Variants in NCS1 observed in about 807,000 individuals in gnomAD.
NCS1 encodes neuronal calcium sensor 1, also known as frequenin homolog.
NCS1 carries 6 observed loss-of-function variants against 28.4 expected under a neutral mutation model. The observed-to-expected ratio is 0.21, with a 90% confidence interval of 0.12 to 0.42. The LOEUF (loss-of-function observed/expected upper bound fraction) is 0.42, where lower values mean the gene tolerates loss of function less well. Among genes scored for constraint, NCS1 ranks in the 10% least tolerant of loss-of-function variants. The probability of loss-of-function intolerance (pLI) is 1.00; values close to 1 mark genes in which losing one functional copy is unlikely to be tolerated. For missense variants in NCS1, 131 were observed against 241.4 expected (o/e 0.54, Z 3.03); for synonymous variants, 86 against 99.3 (o/e 0.87, Z 0.79).
chr9:130,214,245 G>A (rs956114867), intron 2 of NCS1, among the ~76,000 whole-genome samples: 6 of 152,190 alleles, frequency 3.9e-5, no homozygotes, highest in Non-Finnish European at 7.3e-5. Context: ...GGGCTGGGCC[G>A]ACTTCCTGAA....
At chr9:130,220,199 C>G (rs545804904) in intron 4 of NCS1, among the ~76,000 whole-genome samples, 16 of 152,166 alleles carry the variant, frequency 1.1e-4, no homozygotes, top group Non-Finnish European at 2.2e-4. Context: ...ACCCAAGACC[C>G]AGGTTCAGTG....
intron 6 of NCS1, among the ~76,000 whole-genome samples, chr9:130,224,545 T>C (rs1833385616): frequency 7.0e-6 from 1 of 143,422 alleles, no homozygotes; most frequent in Non-Finnish European, 1.5e-5. Context: ...GCAATAAGAG[T>C]GAGACTGTCT....
At chr9:130,200,441 G>A in intron 1 of NCS1, 1 of 791,694 alleles carries the variant, frequency 1.3e-6, no homozygotes, top group Non-Finnish European at 2.1e-6. Flanking sequence ...TGACCACAGA[G>A]AGGGGCTGCA....
chr9:130,228,077 G>T (rs1285777428), intron 7 of NCS1, among the ~76,000 whole-genome samples: 3 of 152,214 alleles, frequency 2.0e-5, no homozygotes, highest in Non-Finnish European at 4.4e-5. Context: ...ATGGCTGCCG[G>T]CTTCCCTCAG....
chr9:130,183,910 C>T (rs1335064677), intron 1 of NCS1, among the ~76,000 whole-genome samples: 1 of 151,482 alleles, frequency 6.6e-6, no homozygotes, highest in South Asian at 2.1e-4. Flanking sequence ...CCCGGGTTCA[C>T]GCCATTCTCT....
At position 130,180,041 on chromosome 9, in the gene NCS1, ATCTATCTATCG is replaced by A. The variant is rs1832632803; in HGVS notation, c.64+7315_64+7325del. On this transcript the variant is annotated intron_variant, in intron 1 of 7. Coordinates refer to ENST00000372398, the MANE Select transcript of NCS1 (RefSeq NM_014286.4). The surrounding 1 kb of genome is among the most constrained non-coding windows in gnomAD (Gnocchi z 4.5). ...TATCTATCTATCTATCTATCTATCT[ATCTATCTATCG>A]AGATGGAATCTCACTTCCGTCACCC... Among the ~76,000 whole-genome samples the A allele has an allele frequency of 6.9e-6, 1 of 145,612 alleles. No homozygotes were observed. The highest frequency in any genetic ancestry group is 2.6e-5 in the African/African-American group (1 of 37,948).
intron 6 of NCS1, among the ~76,000 whole-genome samples, chr9:130,224,874 C>T (rs535928281): frequency 1.4e-3 from 220 of 152,146 alleles, no homozygotes; most frequent in African/African-American, 5.0e-3. Flanking sequence ...TAGGGAAATC[C>T]AGGTGTTACG....
At chr9:130,188,865 T>C (rs777874010) in intron 1 of NCS1, among the ~76,000 whole-genome samples, 2 of 152,128 alleles carry the variant, frequency 1.3e-5, no homozygotes, top group East Asian at 1.9e-4. Context: ...TACAGGTGCC[T>C]GCCACCATGC....
chr9:130,182,625 A>G (rs1372541208), intron 1 of NCS1, among the ~76,000 whole-genome samples: 2 of 152,146 alleles, frequency 1.3e-5, no homozygotes, highest in Non-Finnish European at 2.9e-5. Flanking sequence ...CCTGGCCTCA[A>G]CGGCTTCCTC....
intron 2 of NCS1, among the ~76,000 whole-genome samples, chr9:130,214,543 C>T (rs1438158048): frequency 6.6e-6 from 1 of 152,012 alleles, no homozygotes; most frequent in Admixed American, 6.6e-5. Flanking sequence ...ATGCTGGAGG[C>T]GGGACGAGGA....
intron 6 of NCS1, among the ~76,000 whole-genome samples, chr9:130,223,364 A>G (rs1257559898): frequency 6.6e-6 from 1 of 151,588 alleles, no homozygotes; most frequent in African/African-American, 2.4e-5. Context: ...TGTTTTCTTT[A>G]ATCAACCAGA....
intron 2 of NCS1, among the ~76,000 whole-genome samples, chr9:130,213,777 C>T (rs1466428971): frequency 3.9e-5 from 6 of 152,096 alleles, no homozygotes; most frequent in Non-Finnish European, 8.8e-5. Context: ...CAGGGTTTCA[C>T]CATGTTGGCC....
At chr9:130,200,527 C>T (rs1280037095) in intron 1 of NCS1, 13 of 1,546,986 alleles carry the variant, frequency 8.4e-6, no homozygotes, top group African/African-American at 2.7e-5. Flanking sequence ...CCCCCACCCC[C>T]CCACATAGGT....
intron 7 of NCS1, among the ~76,000 whole-genome samples, chr9:130,230,736 T>C (rs1389785701): frequency 1.3e-5 from 2 of 151,956 alleles, no homozygotes; most frequent in Non-Finnish European, 2.9e-5. Context: ...GTGTAATGTT[T>C]TGTACTCATC....
rs189124333 is a variant in NCS1, at chr9:130,221,521, G to A, written c.308-1129G>A. Among the ~76,000 whole-genome samples, 361 of 142,750 alleles carry A rather than the reference G, an allele frequency of 2.5e-3. 1 individual carries two copies. Among genetic ancestry groups the A allele is most frequent in the African/African-American group, 8.8e-3 (341 of 38,954 alleles). 93.6% of individuals were successfully genotyped at this position (142,750 alleles called of 152,430 possible). A position where few individuals can be genotyped will look rare whatever the true frequency, so the allele number is the denominator to read the frequency against. ...TCGATCTCGGCTTATTGCAACCTTC[G>A]CCTCCTGGGCTCAAGCCATCCTCTC... On this transcript the variant is annotated intron_variant, in intron 4 of 7. Transcript: ENST00000372398.
At chr9:130,196,031 T>C (rs1554906791) in intron 1 of NCS1, among the ~76,000 whole-genome samples, 5 of 151,956 alleles carry the variant, frequency 3.3e-5, no homozygotes. Flanking sequence ...TGGGCCGGGC[T>C]GGGAACCAGA....
At chr9:130,216,198 G>A (rs4240447) in intron 2 of NCS1, among the ~76,000 whole-genome samples, 45,215 of 152,012 alleles carry the variant, frequency 0.3, 6,993 homozygotes, top group Admixed American at 0.35. Flanking sequence ...CGCACCATGC[G>A]CGGTACTCCC....
rs1314283079 is a variant in NCS1 at position 130,175,845 on chromosome 9, A to G, written c.64+3118A>G. 6.6e-6 allele frequency among the ~76,000 whole-genome samples: 1 copy of G among 152,224 alleles called. No homozygotes were observed. The highest frequency in any genetic ancestry group is 2.4e-5 in the African/African-American group (1 of 41,450). On this transcript the variant is annotated intron_variant, in intron 1 of 7. Transcript: ENST00000372398. The surrounding 1 kb of genome is among the most constrained non-coding windows in gnomAD (Gnocchi z 4.9). ...GTCACTCTGCAGCCAAGACTTAGAC[A>G]GTGGCAGTCAGCATTGCGGGCGGCC...
chr9:130,200,221 G>A (rs3780715), intron 1 of NCS1, among the ~76,000 whole-genome samples: 77,910 of 152,086 alleles, frequency 0.51, 20,562 homozygotes, highest in East Asian at 0.85. Context: ...TGGTGGTTTG[G>A]TGTTCTTGTT....
Sources: gnomAD v4.1 joint callset for allele counts (sites outside exome capture counted in the v4.1 genomes callset) on GRCh38, gnomAD v4.1.1 for gene constraint, Gnocchi (gnomAD v3.1) non-coding constraint, MANE v1.5 for transcripts, NCBI Gene and HGNC (gene_info 2026-07-23, HGNC 2026-07-21) for gene names.